Variants in TMCC2 observed in about 807,000 individuals in gnomAD.
The protein encoded by TMCC2 is transmembrane and coiled-coil domains protein 2.
TMCC2 carries 16 observed loss-of-function variants against 49.4 expected under a neutral mutation model. The ratio of observed to expected loss-of-function variants is 0.32; its 90% confidence interval spans 0.22 to 0.49. TMCC2 has a LOEUF of 0.49. TMCC2 is among the 20% of genes least tolerant of loss of function. The pLI, the probability that TMCC2 is intolerant of heterozygous loss-of-function variation, is 0.99. For missense variants in TMCC2, 762 were observed against 989.8 expected (o/e 0.77, Z 3.09); for synonymous variants, 397 against 434.1 (o/e 0.91, Z 1.06).
Position 205,272,346 on chromosome 1 carries a change from C to G in TMCC2, c.*222C>G. 9 of 879,454 alleles carry G rather than the reference C, an allele frequency of 1.0e-5. No individual in the cohort carries two copies. The South Asian group carries it at 1.7e-4, about 17-fold the overall frequency. The allele number at this position is 879,454 out of a possible 1,614,324, so 54.5% of individuals were successfully genotyped here. On this transcript the variant is annotated 3_prime_UTR_variant, in exon 5 of 5. Transcript: ENST00000358024. Reference sequence around the variant, plus strand: ...GCCCTACCTGGAGATAGTGCGGGCACCTGTGGCCAAGTGGAGCAGAGGTGG... The same window carrying G: ...GCCCTACCTGGAGATAGTGCGGGCAGCTGTGGCCAAGTGGAGCAGAGGTGG...
intron 2 of TMCC2, among the ~76,000 whole-genome samples, chr1:205,266,934 A>G (rs1005700123): frequency 7.2e-5 from 11 of 152,250 alleles, no homozygotes; most frequent in African/African-American, 1.7e-4. Flanking sequence ...TGCAGGGAAC[A>G]AGGCAGGAAG....
At chr1:205,236,614 T>C (rs1660060145) in intron 1 of TMCC2, 1 of 152,200 alleles carries the variant, frequency 6.6e-6, no homozygotes, top group South Asian at 2.1e-4. Context: ...TCATCAAGGG[T>C]TCCATCCGTC....
intron 2 of TMCC2, among the ~76,000 whole-genome samples, chr1:205,250,370 G>C (rs944244950): frequency 1.3e-5 from 2 of 151,892 alleles, no homozygotes; most frequent in East Asian, 3.9e-4. Context: ...AGGAAACCCC[G>C]TCTCTACTAA....
intron 2 of TMCC2, among the ~76,000 whole-genome samples, chr1:205,253,150 G>GA (rs1334240114): frequency 2.0e-5 from 3 of 151,282 alleles, no homozygotes; most frequent in African/African-American, 4.9e-5. Flanking sequence ...GAAAAAGCAA[G>GA]AAAAATAAGA....
intron 2 of TMCC2, among the ~76,000 whole-genome samples, chr1:205,249,328 G>T (rs991588541): frequency 6.6e-6 from 1 of 152,216 alleles, no homozygotes; most frequent in Non-Finnish European, 1.5e-5. Flanking sequence ...GCATAAATAA[G>T]CACCCCTGTT....
At chr1:205,257,367 G>A (rs1660920010) in intron 2 of TMCC2, 2 of 1,232,350 alleles carry the variant, frequency 1.6e-6, no homozygotes, top group Non-Finnish European at 2.0e-6. Context: ...GCCCACACAG[G>A]TGAGGCGTCT....
intron 2 of TMCC2, among the ~76,000 whole-genome samples, chr1:205,248,987 G>A (rs1660561909): frequency 6.6e-6 from 1 of 152,164 alleles, no homozygotes; most frequent in South Asian, 2.1e-4. Flanking sequence ...ACGGGGCAGA[G>A]CTGGGAGGGC....
intron 2 of TMCC2, chr1:205,256,359 A>G (rs1399983257): frequency 6.4e-7 from 1 of 1,550,846 alleles, no homozygotes; most frequent in African/African-American, 1.4e-5. Context: ...TCTGCTGGCC[A>G]CTCACAGAAT....
At chr1:205,265,119 G>T (rs1206707721) in intron 2 of TMCC2, among the ~76,000 whole-genome samples, 7 of 152,220 alleles carry the variant, frequency 4.6e-5, no homozygotes, top group Admixed American at 2.6e-4. Context: ...GACGGAAGGA[G>T]CTGGTGTCCT....
intron 2 of TMCC2, chr1:205,268,071 C>CCTGGGAG: frequency 1.0e-6 from 1 of 985,356 alleles, no homozygotes; most frequent in Non-Finnish European, 1.2e-6. Flanking sequence ...TAATGGAGGG[C>CCTGGGAG]CTGGGAGAGG....
chr1:205,268,929 T>C, intron 2 of TMCC2, 21 bp from the exon 3 acceptor site: 1 of 1,608,688 alleles, frequency 6.2e-7, no homozygotes, highest in East Asian at 2.2e-5. Flanking sequence ...CCATGCTTCC[T>C]CTGCCTGCCT....
chr1:205,269,661 G>T lies in TMCC2; in HGVS notation c.1459G>T (p.Ala487Ser). 1 of 1,613,856 alleles carries T rather than the reference G, an allele frequency of 6.2e-7. No homozygotes were observed. ...DECSSASASS[A>S]GAGSNSGAGP... Reference sequence around the variant, plus strand: ...GTGCTCCAGCGCCAGCGCCAGCTCAGCCGGGGCAGGCAGCAACTCTGGGGC... The same window carrying T: ...GTGCTCCAGCGCCAGCGCCAGCTCATCCGGGGCAGGCAGCAACTCTGGGGC... Residue 487 changes from alanine to serine, a missense_variant, in exon 3 of 5, where the codon GCC (alanine) becomes TCC (serine). Ala to Ser is a moderately conservative substitution (Grantham distance 99). Around this residue, in one of 2 missense-constraint regions of TMCC2, gnomAD observed 440 missense variants for 636.7 expected, o/e 0.69. Transcript: ENST00000358024.
chr1:205,255,957 T>G (rs916513615), intron 2 of TMCC2, among the ~76,000 whole-genome samples: 1 of 152,168 alleles, frequency 6.6e-6, no homozygotes, highest in African/African-American at 2.4e-5. Flanking sequence ...CTATGTAATA[T>G]GCTTTGCCAG....
At chr1:205,237,132 C>T (rs1660084820) in intron 1 of TMCC2, among the ~76,000 whole-genome samples, 1 of 152,040 alleles carries the variant, frequency 6.6e-6, no homozygotes, top group African/African-American at 2.4e-5. Context: ...CCAAGTGGGC[C>T]TGAACAGTTG....
intron 4 of TMCC2, chr1:205,271,462 AGAG>A: frequency 1.2e-6 from 1 of 811,426 alleles, no homozygotes; most frequent in South Asian, 1.8e-5. Context: ...TGCACTGTGC[AGAG>A]GCAAGCCCAC....
chr1:205,259,516 TG>T (rs1661018354), intron 2 of TMCC2, among the ~76,000 whole-genome samples: 1 of 152,202 alleles, frequency 6.6e-6, no homozygotes, highest in Non-Finnish European at 1.5e-5. Flanking sequence ...ACATAGCTAG[TG>T]CCCTTCCCCT....
chr1:205,254,297 C>G (rs1043074100), intron 2 of TMCC2, among the ~76,000 whole-genome samples: 2 of 152,222 alleles, frequency 1.3e-5, no homozygotes, highest in Admixed American at 1.3e-4. Context: ...GCCGTCCTCC[C>G]ATCACATTTG....
intron 2 of TMCC2, among the ~76,000 whole-genome samples, chr1:205,251,354 CTGCCCGCTGCTGCTTT>C (rs1457421241): frequency 6.6e-6 from 1 of 152,198 alleles, no homozygotes; most frequent in East Asian, 1.9e-4. Flanking sequence ...TAGAGGCCTC[CTGCCCGCTGCTGCTTT>C]TGTCCTCTTT....
chr1:205,261,736 C>T (rs1312817181), intron 2 of TMCC2, among the ~76,000 whole-genome samples: 1 of 151,876 alleles, frequency 6.6e-6, no homozygotes, highest in Non-Finnish European at 1.5e-5. Context: ...TTAATTTGTT[C>T]GTATTTGTTT....
Sources: gnomAD v4.1 joint callset for allele counts (sites outside exome capture counted in the v4.1 genomes callset) on GRCh38, gnomAD v4.1.1 for gene constraint, gnomAD v4.1.1 regional missense constraint, MANE v1.5 for transcripts, NCBI Gene and HGNC (gene_info 2026-07-23, HGNC 2026-07-21) for gene names.